Variants in BAZ2B observed in about 807,000 individuals in gnomAD.
BAZ2B encodes the protein bromodomain adjacent to zinc finger domain 2B.
BAZ2B carries 91 observed loss-of-function variants against 246.0 expected under a neutral mutation model. The observed-to-expected ratio is 0.37, with a 90% confidence interval of 0.31 to 0.44. The LOEUF (loss-of-function observed/expected upper bound fraction) is 0.44. Among genes scored for constraint, BAZ2B ranks in the 20% least tolerant of loss-of-function variants. The pLI is 1.00. For missense variants in BAZ2B, 2,332 were observed against 2,533.7 expected, an observed-to-expected ratio of 0.92 and a Z score of 1.71; for synonymous variants, 855 against 860.0, an observed-to-expected ratio of 0.99 and a Z score of 0.10.
chr2:159,692,642 G>C, the BAZ2B span, among the ~76,000 whole-genome samples: 1 of 152,036 alleles, frequency 6.6e-6, no homozygotes, highest in Non-Finnish European at 1.5e-5. Context: ...CTTGAGGCCA[G>C]GAGTTCAAGA....
chr2:159,423,364 A>C (rs2069140647), intron 13 of BAZ2B, among the ~76,000 whole-genome samples: 1 of 148,852 alleles, frequency 6.7e-6, no homozygotes, highest in Admixed American at 6.7e-5. Context: ...GTCAAAAAAC[A>C]ATAGTTGTTG....
intron 8 of BAZ2B, among the ~76,000 whole-genome samples, chr2:159,436,741 ACT>A (rs1323356353): frequency 6.6e-6 from 1 of 152,062 alleles, no homozygotes; most frequent in Non-Finnish European, 1.5e-5. Flanking sequence ...ACAGAGCGAG[ACT>A]CTGTCTCAAA....
intron 2 of BAZ2B, among the ~76,000 whole-genome samples, chr2:159,555,120 GTCTC>G (rs2088921912): frequency 6.9e-6 from 1 of 144,328 alleles, no homozygotes; most frequent in African/African-American, 2.6e-5. Context: ...TAGAGATGGA[GTCTC>G]TCTATTGCCC....
At chr2:159,501,603 T>C (rs936760738) in intron 2 of BAZ2B, among the ~76,000 whole-genome samples, 5 of 152,144 alleles carry the variant, frequency 3.3e-5, no homozygotes, top group Non-Finnish European at 5.9e-5. Context: ...AAGTATCCTT[T>C]ATAAACATAG....
chr2:159,389,327 A>G lies in BAZ2B; in HGVS notation c.3216+18T>C. 1 of 1,571,974 alleles carries G rather than the reference A, an allele frequency of 6.4e-7. No individual in the cohort carries two copies. On this transcript the variant is annotated intron_variant, in intron 21 of 36. Transcript: ENST00000392783. ...ATTAAACTTATGAATGAAATGGTGT[A>G]CATGACGTATAAATTACCTTTTGGT... is the stretch of plus-strand genomic sequence containing the variant.
chr2:159,624,697 A>C, the BAZ2B span, among the ~76,000 whole-genome samples: 1 of 152,192 alleles, frequency 6.6e-6, no homozygotes, highest in Admixed American at 6.5e-5. Flanking sequence ...GAAGCACCAA[A>C]GGTAGATAAA....
intron 25 of BAZ2B, among the ~76,000 whole-genome samples, chr2:159,376,627 A>G (rs949020031): frequency 5.9e-5 from 9 of 152,224 alleles, no homozygotes; most frequent in African/African-American, 2.2e-4. Context: ...TTCTAAAATG[A>G]TCTTCTGATC....
At chr2:159,489,969 T>C (rs1039613272) in intron 2 of BAZ2B, among the ~76,000 whole-genome samples, 1 of 152,184 alleles carries the variant, frequency 6.6e-6, no homozygotes, top group Non-Finnish European at 1.5e-5. Context: ...TTTTCAACTA[T>C]ACAGCTTCCA....
intron 1 of BAZ2B, among the ~76,000 whole-genome samples, chr2:159,607,561 T>TGAAAGCAGTGGAG (rs57234306): frequency 6.6e-6 from 1 of 151,786 alleles, no homozygotes; most frequent in Non-Finnish European, 1.5e-5. Flanking sequence ...CAGTCAATTT[T>TGAAAGCAGTGGAG]GAAAGGAAGG....
At chr2:159,393,370 C>T (rs532135578) in intron 20 of BAZ2B, among the ~76,000 whole-genome samples, 8 of 152,258 alleles carry the variant, frequency 5.3e-5, no homozygotes, top group African/African-American at 1.9e-4. Context: ...GCTCTTTCAG[C>T]TATTAGGATT....
chr2:159,395,746 T>G (rs755480618), intron 20 of BAZ2B, 23 bp downstream of exon 20: 2 of 1,575,366 alleles, frequency 1.3e-6, no homozygotes, highest in Admixed American at 3.5e-5. Flanking sequence ...TAAGGTAATA[T>G]TTTTCTAGAA....
rs1158153180 is a variant in BAZ2B, at chr2:159,438,995, G to C, written c.900+14C>G. The stretch of plus-strand genomic sequence containing the variant: ...TGAATAATGTTTGGATACTGTCCAT[G>C]AAAAAAATTATACCTGGTTGTTACT... On this transcript the variant is annotated intron_variant, in intron 7 of 36. Coordinates refer to ENST00000392783, the MANE Select transcript of BAZ2B (RefSeq NM_013450.4). The C allele has an allele frequency of 1.9e-6, 3 of 1,610,010 alleles. No individual in the cohort carries two copies. Among genetic ancestry groups the C allele is most frequent in the Non-Finnish European group, 2.5e-6 (3 of 1,178,368 alleles).
At chr2:159,374,135 C>A (rs1315596720) in intron 26 of BAZ2B, among the ~76,000 whole-genome samples, 2 of 148,562 alleles carry the variant, frequency 1.3e-5, no homozygotes, top group Non-Finnish European at 3.0e-5. Context: ...TTCTCAAACT[C>A]CTGGGCTCAA....
At chr2:159,413,426 G>C (rs6730764) in intron 13 of BAZ2B, among the ~76,000 whole-genome samples, 30 of 152,186 alleles carry the variant, frequency 2.0e-4, no homozygotes, top group Middle Eastern at 3.4e-3. Flanking sequence ...GCGCGGACTG[G>C]CCGGGCACAG....
chr2:159,399,305 A>G (rs1433831018), intron 17 of BAZ2B, among the ~76,000 whole-genome samples: 2 of 152,144 alleles, frequency 1.3e-5, no homozygotes, highest in African/African-American at 4.8e-5. Context: ...ATTAATAAAT[A>G]AAAATTATTT....
Position 159,412,488 on chromosome 2 carries a change from C to T in BAZ2B, c.2524G>A (p.Glu842Lys), listed in dbSNP as rs2066976695. 1.2e-6 allele frequency: 2 copies of T among 1,613,978 alleles called. No individual in the cohort carries two copies. The highest frequency in any genetic ancestry group is 2.7e-5 in the African/African-American group (2 of 74,916). Residue 842 changes from glutamate (E) to lysine (K), a missense_variant, in exon 14 of 37, where the codon GAA becomes AAA. Glu to Lys is a moderately conservative substitution (Grantham distance 56). Around this residue, in one of 9 missense-constraint regions of BAZ2B, gnomAD observed 651 missense variants for 650.9 expected, o/e 1.00. Coordinates refer to ENST00000392783, the MANE Select transcript of BAZ2B (RefSeq NM_013450.4). Reference protein sequence around the residue: ...EDVIPRIRAMEGRRGRPPNPD... With the variant: ...EDVIPRIRAMKGRRGRPPNPD... ...TTTGGTGGTCTTCCTCTACGACCTT[C>T]CATTGCCCTGATACGAGGAATGACA...
At chr2:159,579,222 TA>T (rs145734489) in intron 1 of BAZ2B, among the ~76,000 whole-genome samples, 83,836 of 151,550 alleles carry the variant, frequency 0.55, 23,921 homozygotes, top group East Asian at 0.74. Flanking sequence ...ATAGACGCAA[TA>T]AAAAAATGAC....
chr2:159,566,472 AC>A (rs1319730908), intron 1 of BAZ2B, among the ~76,000 whole-genome samples: 1 of 152,164 alleles, frequency 6.6e-6, no homozygotes, highest in Non-Finnish European at 1.5e-5. Context: ...ATTTAAGAAA[AC>A]ATCTCCACTG....
Position 159,347,584 on chromosome 2 carries a change from A to T in BAZ2B, c.5356T>A (p.Trp1786Arg), listed in dbSNP as rs1249266782. 2 of 1,612,962 alleles carry T rather than the reference A, an allele frequency of 1.2e-6. No homozygotes were observed. The highest frequency in any genetic ancestry group is 1.3e-5 in the African/African-American group (1 of 74,886). The part of the protein sequence containing the change: ...NQVTRDIVEN[W>R]SVEEQAMEMD... ...TCCATTGCTTGTTCTTCTACTGACC[A>T]GTTCTCCACAATATCTCGAGTTACT... The change falls in exon 31 of 37, where the codon TGG (tryptophan) becomes AGG (arginine). Residue 1786 changes from tryptophan (W) to arginine (R), a missense_variant. Transcript: ENST00000392783.
Sources: gnomAD v4.1 joint callset for allele counts (sites outside exome capture counted in the v4.1 genomes callset) on GRCh38, gnomAD v4.1.1 for gene constraint, gnomAD v4.1.1 regional missense constraint, MANE v1.5 for transcripts, NCBI Gene and HGNC (gene_info 2026-07-23, HGNC 2026-07-21) for gene names.